The following TSPEAR variants were observed in gnomAD, a reference collection of about 807,000 sequenced individuals.
The protein encoded by TSPEAR is thrombospondin-type laminin G domain and EAR repeat-containing protein.
Under a neutral mutation model 71.6 loss-of-function variants are expected in TSPEAR, and 69 were observed. The observed-to-expected ratio is 0.96, with a 90% CI of 0.79 to 1.18. The LOEUF is 1.18. TSPEAR is among the 50% of genes most tolerant of loss of function. The pLI is 0.00. For synonymous variants in TSPEAR, 402 were observed against 387.2 expected, an observed-to-expected ratio of 1.04 and a Z score of -0.45; for missense variants, 971 against 894.9, an observed-to-expected ratio of 1.09 and a Z score of -1.09.
chr21:44,708,793 C>G (rs1466878425), intron 1 of TSPEAR, among the ~76,000 whole-genome samples: 1 of 152,256 alleles, frequency 6.6e-6, no homozygotes, highest in Non-Finnish European at 1.5e-5. Context: ...CCTCACAGCA[C>G]TTGCTCCGGG....
At chr21:44,696,307 A>T (rs1310979007) in intron 1 of TSPEAR, among the ~76,000 whole-genome samples, 1 of 152,160 alleles carries the variant, frequency 6.6e-6, no homozygotes, top group African/African-American at 2.4e-5. Context: ...CTGATTTCCC[A>T]TGTCCCTTGC....
chr21:44,503,894 C>T, intron 11 of TSPEAR, among the ~76,000 whole-genome samples: 1 of 137,664 alleles, frequency 7.3e-6, no homozygotes, highest in African/African-American at 2.9e-5. Flanking sequence ...AGGGGGGAAG[C>T]AATGTGCTGG....
At chr21:44,553,606 AAAAAT>A (rs1413634526) in intron 2 of TSPEAR, among the ~76,000 whole-genome samples, 1 of 152,234 alleles carries the variant, frequency 6.6e-6, no homozygotes, top group Non-Finnish European at 1.5e-5. Context: ...AGGGAGAAAA[AAAAAT>A]AAGATCAAAG....
At chr21:44,514,727 A>C (rs1375176229) in intron 9 of TSPEAR, among the ~76,000 whole-genome samples, 1 of 152,166 alleles carries the variant, frequency 6.6e-6, no homozygotes, top group East Asian at 1.9e-4. Flanking sequence ...CAAGCTGGGG[A>C]GGCCCAGTCA....
chr21:44,592,382 C>T (rs782500935), intron 1 of TSPEAR: 4 of 1,569,124 alleles, frequency 2.5e-6, no homozygotes, highest in Middle Eastern at 1.9e-4. Flanking sequence ...GGGCAGTCGT[C>T]CACCTGCCAG....
intron 1 of TSPEAR, chr21:44,627,893 C>A: frequency 6.2e-7 from 1 of 1,611,464 alleles, no homozygotes; most frequent in Non-Finnish European, 8.5e-7. Context: ...GTGTGCAGGC[C>A]CGCCTGCTGC....
rs373299936 is a variant in TSPEAR at position 44,662,042 on chromosome 21, C to T, written c.82+49391G>A. ...CTAAGAATACTAAACCAAAAAGTGGCATAGAAAGAGGGCAAAGATAAAAAG... is the reference window on the plus strand; with the variant it reads ...CTAAGAATACTAAACCAAAAAGTGGTATAGAAAGAGGGCAAAGATAAAAAG... On this transcript the variant is annotated intron_variant, in intron 1 of 11. Coordinates refer to ENST00000323084, the MANE Select transcript of TSPEAR (RefSeq NM_144991.3). 3.3e-5 allele frequency among the ~76,000 whole-genome samples: 5 copies of T among 152,006 alleles called. No individual in the cohort carries two copies. The East Asian group carries it at 5.8e-4, about 18-fold the overall frequency.
At position 44,533,896 on chromosome 21, in the gene TSPEAR, C is replaced by T; in HGVS notation, c.331G>A (p.Ala111Thr). The change falls in exon 3 of 12, where the codon GCA (alanine) becomes ACA (threonine). Residue 111 changes from alanine to threonine, a missense_variant. Ala to Thr is a moderately conservative substitution (Grantham distance 58). Coordinates refer to ENST00000323084, the MANE Select transcript of TSPEAR (RefSeq NM_144991.3). Reference sequence around the variant, plus strand: ...AGCAGCAGCAGGTCGCTCTCCTCTGCCACCACCGTCAGCAGGTACTCGTTC... The same window carrying T: ...AGCAGCAGCAGGTCGCTCTCCTCTGTCACCACCGTCAGCAGGTACTCGTTC... ...KRNEYLLTVV[A>T]EESDLLLLGL... 6.2e-7 allele frequency: 1 copy of T among 1,611,830 alleles called. No individual in the cohort carries two copies. The highest frequency in any genetic ancestry group is 8.5e-7 in the Non-Finnish European group (1 of 1,179,640).
intron 1 of TSPEAR, among the ~76,000 whole-genome samples, chr21:44,587,561 C>T (rs587660841): frequency 3.9e-5 from 6 of 152,132 alleles, no homozygotes; most frequent in Non-Finnish European, 7.4e-5. Flanking sequence ...AAAAAGGGCC[C>T]GCATAGCCAA....
intron 1 of TSPEAR, among the ~76,000 whole-genome samples, chr21:44,665,515 C>G (rs1191546191): frequency 6.6e-6 from 1 of 152,216 alleles, no homozygotes; most frequent in African/African-American, 2.4e-5. Context: ...ATTTCCTTTT[C>G]ATATCACCAG....
Position 44,522,051 on chromosome 21 carries a change from C to G in TSPEAR, c.1398G>C (p.Glu466Asp). ...CGGAGGTGGCGATGGTCTGGTTGGC[C>G]TCGAAGAGCCGGGTTGCCGGGTTCC... ...YKWNPATRLF[E>D]ANQTIATSGA... Residue 466 changes from glutamate to aspartate, a missense_variant, in exon 9 of 12, where the codon GAG becomes GAC. By Grantham distance (45) the Glu-to-Asp change is conservative. Transcript: ENST00000323084. 2.5e-6 allele frequency: 4 copies of G among 1,614,122 alleles called. No homozygotes were observed. The highest frequency in any genetic ancestry group is 2.5e-6 in the Non-Finnish European group (3 of 1,180,022).
chr21:44,646,831 T>C, intron 1 of TSPEAR: 1 of 1,575,500 alleles, frequency 6.3e-7, no homozygotes, highest in South Asian at 1.2e-5. Context: ...GGCTGCTTCT[T>C]CGTGCTGCCG....
chr21:44,706,833 G>T (rs1555952486), intron 1 of TSPEAR, among the ~76,000 whole-genome samples: 1 of 152,198 alleles, frequency 6.6e-6, no homozygotes, highest in East Asian at 1.9e-4. Context: ...CTGCCCATGG[G>T]ATTGGATTCG....
chr21:44,656,685 T>C (rs1985167386), intron 1 of TSPEAR, among the ~76,000 whole-genome samples: 1 of 152,218 alleles, frequency 6.6e-6, no homozygotes, highest in South Asian at 2.1e-4. Context: ...GTTCTGAGAT[T>C]CTTGGGTCTG....
intron 1 of TSPEAR, among the ~76,000 whole-genome samples, chr21:44,673,423 A>G (rs1020852248): frequency 6.6e-6 from 1 of 152,234 alleles, no homozygotes; most frequent in Non-Finnish European, 1.5e-5. Flanking sequence ...TTCTAAATCT[A>G]TATGCACCCA....
chr21:44,539,966 C>T, intron 2 of TSPEAR: 2 of 1,613,450 alleles, frequency 1.2e-6, no homozygotes, highest in South Asian at 1.1e-5. Context: ...GCTGGGCTCA[C>T]AGGCTGCCTG....
chr21:44,645,704 A>C (rs1333180797), intron 1 of TSPEAR, among the ~76,000 whole-genome samples: 1 of 151,950 alleles, frequency 6.6e-6, no homozygotes, highest in Admixed American at 6.6e-5. Context: ...TGAAGTGTAC[A>C]TTTTTCTCCA....
chr21:44,660,616 A>T (rs587725654), intron 1 of TSPEAR, among the ~76,000 whole-genome samples: 112 of 152,374 alleles, frequency 7.4e-4, no homozygotes, highest in African/African-American at 2.4e-3. Flanking sequence ...TTCTTAAAAA[A>T]TTTCTTTGAG....
chr21:44,697,926 G>A (rs782691238), intron 1 of TSPEAR: 36 of 1,611,506 alleles, frequency 2.2e-5, no homozygotes, highest in Middle Eastern at 1.7e-4. Context: ...ACATGTTCCC[G>A]CCTGGCCTGC....
Sources: allele counts gnomAD v4.1 joint callset (sites outside exome capture counted in the v4.1 genomes callset), GRCh38; gene constraint gnomAD v4.1.1; transcripts MANE v1.5; gene names NCBI Gene and HGNC (gene_info 2026-07-23, HGNC 2026-07-21).